The following ASTN1 variants were observed in gnomAD, a reference collection of about 807,000 sequenced individuals.
The protein encoded by ASTN1 is astrotactin 1, also known as astrotactin-1.
ASTN1 carries 41 observed loss-of-function variants against 140.7 expected under a neutral mutation model. That is an observed-to-expected ratio of 0.29 (90% CI 0.23 to 0.38). ASTN1 has a LOEUF of 0.38. Ranked by LOEUF, ASTN1 falls within the 10% of genes least tolerant of loss-of-function variation. The probability of loss-of-function intolerance (pLI) is 1.00; values close to 1 mark genes in which losing one functional copy is unlikely to be tolerated. For missense variants in ASTN1, 1,479 were observed against 1,678.8 expected (o/e 0.88, Z 2.08); for synonymous variants, 640 against 652.2 (o/e 0.98, Z 0.29).
At chr1:176,921,569 A>G (rs1181280038) in intron 16 of ASTN1, among the ~76,000 whole-genome samples, 1 of 152,244 alleles carries the variant, frequency 6.6e-6, no homozygotes. Flanking sequence ...CTACAACATT[A>G]ACTGGTAGCT....
At chr1:176,894,224 C>T (rs115331304) in intron 17 of ASTN1, among the ~76,000 whole-genome samples, 302 of 152,156 alleles carry the variant, frequency 2.0e-3, no homozygotes, top group Non-Finnish European at 2.4e-3. Context: ...ACTGAGCATC[C>T]TCCCCACAAC....
intron 1 of ASTN1, among the ~76,000 whole-genome samples, chr1:177,096,976 C>T (rs1197648338): frequency 6.6e-6 from 1 of 152,116 alleles, no homozygotes; most frequent in African/African-American, 2.4e-5. Flanking sequence ...TCACTAGACA[C>T]TGAATCTGCT....
chr1:176,964,248 T>G (rs1459503584), intron 9 of ASTN1, among the ~76,000 whole-genome samples: 1 of 152,186 alleles, frequency 6.6e-6, no homozygotes, highest in African/African-American at 2.4e-5. Flanking sequence ...CTTCCATTTG[T>G]CCTACGCTGC....
At chr1:177,110,431 G>A (rs1680767296) in intron 1 of ASTN1, among the ~76,000 whole-genome samples, 1 of 152,158 alleles carries the variant, frequency 6.6e-6, no homozygotes. Context: ...TGAATCTGAA[G>A]CGGCCAGTGA....
At chr1:176,938,567 C>T (rs556278350) in intron 14 of ASTN1, among the ~76,000 whole-genome samples, 4 of 152,310 alleles carry the variant, frequency 2.6e-5, no homozygotes, top group East Asian at 3.9e-4. Flanking sequence ...TTCTTGTTCT[C>T]GCAACCTAAC....
chr1:176,927,342 T>C (rs1464678879), intron 16 of ASTN1, among the ~76,000 whole-genome samples: 2 of 151,414 alleles, frequency 1.3e-5, no homozygotes, highest in African/African-American at 4.9e-5. Flanking sequence ...CCAAAAGTAA[T>C]AGCAAGAAAA....
At chr1:176,869,596 G>A (rs1668257750) in intron 21 of ASTN1, among the ~76,000 whole-genome samples, 2 of 152,204 alleles carry the variant, frequency 1.3e-5, no homozygotes. Flanking sequence ...CCTTCCTGAT[G>A]AGCTGACTGC....
chr1:177,044,203 A>G (rs1416096462), intron 2 of ASTN1, among the ~76,000 whole-genome samples: 2 of 146,822 alleles, frequency 1.4e-5, no homozygotes, highest in African/African-American at 5.4e-5. Flanking sequence ...ACACACACAC[A>G]TACACACACA....
chr1:177,067,939 G>A (rs1376486446), intron 1 of ASTN1, among the ~76,000 whole-genome samples: 1 of 152,070 alleles, frequency 6.6e-6, no homozygotes, highest in East Asian at 1.9e-4. Context: ...TCTCGCCATA[G>A]GGACCATCTG....
chr1:176,909,839 A>T (rs1212494632), intron 16 of ASTN1, among the ~76,000 whole-genome samples: 1 of 152,226 alleles, frequency 6.6e-6, no homozygotes, highest in Non-Finnish European at 1.5e-5. Context: ...CTAAGTCTGG[A>T]ATCACAAACC....
chr1:177,158,439 GACCTTA>G, intron 1 of ASTN1, among the ~76,000 whole-genome samples: 1 of 152,156 alleles, frequency 6.6e-6, no homozygotes, highest in Non-Finnish European at 1.5e-5. Flanking sequence ...AATTTCCATA[GACCTTA>G]ACTTGTCCTG....
At chr1:177,108,889 C>T (rs1286015154) in intron 1 of ASTN1, among the ~76,000 whole-genome samples, 1 of 151,842 alleles carries the variant, frequency 6.6e-6, no homozygotes, top group East Asian at 1.9e-4. Flanking sequence ...CAATGGAAAC[C>T]AAAAGAATGG....
At chr1:177,137,160 C>T (rs1682242668) in intron 1 of ASTN1, among the ~76,000 whole-genome samples, 1 of 152,012 alleles carries the variant, frequency 6.6e-6, no homozygotes, top group Non-Finnish European at 1.5e-5. Context: ...TAAATAGTCA[C>T]AACACAAATG....
At chr1:177,030,640 C>T (rs372647443) in intron 4 of ASTN1, among the ~76,000 whole-genome samples, 166 bp downstream of exon 4, 1 of 152,324 alleles carries the variant, frequency 6.6e-6, no homozygotes, top group African/African-American at 2.4e-5. Context: ...AAGGTTTGCA[C>T]ATTTACATTT....
In ASTN1 at chr1:177,014,816, G is replaced by A. The variant is rs752367629; in HGVS notation, c.1498C>T (p.Arg500Trp). The A allele has an allele frequency of 8.1e-6, 13 of 1,613,604 alleles. No individual in the cohort carries two copies. The highest frequency in any genetic ancestry group is 1.6e-4 in the Middle Eastern group (1 of 6,080). ...KDPVHKHLCI[R>W]NEWGTNQGPW... Reference sequence around the variant, plus strand: ...CCCTGGTTTGTCCCCCATTCGTTCCGAATGCAAAGGTGCTTATGTACTGGA... The same window carrying A: ...CCCTGGTTTGTCCCCCATTCGTTCCAAATGCAAAGGTGCTTATGTACTGGA... The change falls in exon 8 of 23, where the codon CGG (arginine) becomes TGG (tryptophan). Residue 500 changes from arginine (R) to tryptophan (W), a missense_variant. Arg to Trp is a moderately radical substitution (Grantham distance 101, BLOSUM62 -3). Coordinates refer to ENST00000361833, the MANE Select transcript of ASTN1 (RefSeq NM_004319.3).
chr1:177,030,433 G>C (rs1313608451), intron 4 of ASTN1, among the ~76,000 whole-genome samples: 1 of 152,128 alleles, frequency 6.6e-6, no homozygotes, highest in Non-Finnish European at 1.5e-5. Flanking sequence ...TGTTTCAAAT[G>C]GCTGCATGGT....
intron 1 of ASTN1, among the ~76,000 whole-genome samples, chr1:177,068,821 C>CT (rs763780306): frequency 0.034 from 4,644 of 135,314 alleles, 101 homozygotes; most frequent in African/African-American, 0.059. Context: ...TCTTTCTTTT[C>CT]TTTTTTTTTT....
chr1:176,915,572 C>T (rs1670443543), intron 16 of ASTN1, among the ~76,000 whole-genome samples: 1 of 152,154 alleles, frequency 6.6e-6, no homozygotes, highest in African/African-American at 2.4e-5. Flanking sequence ...CTGCTGACAC[C>T]AGCTTCCAAT....
At chr1:177,154,314 T>G (rs1683156251) in intron 1 of ASTN1, among the ~76,000 whole-genome samples, 3 of 152,190 alleles carry the variant, frequency 2.0e-5, no homozygotes, top group African/African-American at 7.2e-5. Flanking sequence ...GTTTTATATA[T>G]TCACTATTCA....
Sources: gnomAD v4.1 joint callset for allele counts (sites outside exome capture counted in the v4.1 genomes callset) on GRCh38, gnomAD v4.1.1 for gene constraint, MANE v1.5 for transcripts, NCBI Gene and HGNC (gene_info 2026-07-23, HGNC 2026-07-21) for gene names.